The following LRFN2 variants were observed in gnomAD, a reference collection of about 807,000 sequenced individuals.
The protein encoded by LRFN2 is leucine rich repeat and fibronectin type III domain containing 2.
A neutral mutation model predicts 37.3 loss-of-function variants in LRFN2; 18 were observed. That is an observed-to-expected ratio of 0.48 (90% confidence interval 0.33 to 0.72). The LOEUF is 0.72. LRFN2 is among the 30% of genes least tolerant of loss of function. The pLI is 0.02. For missense variants in LRFN2, 1,006 were observed against 1,060.7 expected (o/e 0.95, Z 0.72); for synonymous variants, 556 against 466.6 (o/e 1.19, Z -2.47).
At chr6:40,534,077 C>T (rs1766403856) in intron 1 of LRFN2, among the ~76,000 whole-genome samples, 1 of 152,212 alleles carries the variant, frequency 6.6e-6, no homozygotes, top group Non-Finnish European at 1.5e-5. Flanking sequence ...AAGTAGCTTG[C>T]CCACAGGGAC....
intron 1 of LRFN2, among the ~76,000 whole-genome samples, chr6:40,503,389 G>C (rs114998358): frequency 6.6e-6 from 1 of 152,160 alleles, no homozygotes; most frequent in South Asian, 2.1e-4. Context: ...GGGGAGCAGA[G>C]GGAAGTGCCC....
At chr6:40,435,044 TATATATATAGAG>T (rs1173907760) in intron 1 of LRFN2, among the ~76,000 whole-genome samples, 134 of 88,580 alleles carry the variant, frequency 1.5e-3, no homozygotes, top group African/African-American at 3.1e-3. Flanking sequence ...TATATATATA[TATATATATAGAG>T]AGAGAGAGAG....
intron 1 of LRFN2, among the ~76,000 whole-genome samples, chr6:40,568,644 ATT>A (rs1182296727): frequency 6.6e-6 from 1 of 152,012 alleles, no homozygotes; most frequent in African/African-American, 2.4e-5. Flanking sequence ...CAAACCTGTG[ATT>A]ATTCCCAGTG....
chr6:40,403,467 C>T (rs1180798199), intron 2 of LRFN2, among the ~76,000 whole-genome samples: 1 of 152,182 alleles, frequency 6.6e-6, no homozygotes, highest in Non-Finnish European at 1.5e-5. Context: ...TTCTTCTGCC[C>T]TTGTGGCTCC....
Position 40,432,993 on chromosome 6 carries a change from T to A in LRFN2, c.121A>T (p.Lys41Ter). 1 of 1,611,200 alleles carries A rather than the reference T, an allele frequency of 6.2e-7. No individual in the cohort carries two copies. The highest frequency in any genetic ancestry group is 1.7e-5 in the Admixed American group (1 of 59,818). The part of the protein sequence containing the change: ...SESLGTLCPS[K>*]GLLFVPPDID... ...TCAGGGGGTACAAAGAGCAGCCCCT[T>A]GGAGGGGCACAGGGTCCCCAGTGAC... The change falls in exon 2 of 3, where the codon AAG (lysine) becomes TAG (stop). Residue 41 changes from lysine to a stop codon, truncating the protein, a stop_gained. Transcript: ENST00000338305. LOFTEE classifies it high-confidence loss of function.
chr6:40,581,008 G>C (rs1767387707), intron 1 of LRFN2, among the ~76,000 whole-genome samples: 1 of 152,146 alleles, frequency 6.6e-6, no homozygotes, highest in African/African-American at 2.4e-5. Flanking sequence ...GTGGGGGTGT[G>C]TGTGTATGAA....
At chr6:40,511,077 C>T (rs1036754615) in intron 1 of LRFN2, among the ~76,000 whole-genome samples, 2 of 151,822 alleles carry the variant, frequency 1.3e-5, no homozygotes, top group African/African-American at 4.8e-5. Flanking sequence ...GAGCCTGGGG[C>T]AGGAGGGAAC....
chr6:40,475,505 CACAG>C (rs1421463040), intron 1 of LRFN2, among the ~76,000 whole-genome samples: 1 of 152,080 alleles, frequency 6.6e-6, no homozygotes, highest in Non-Finnish European at 1.5e-5. Context: ...TCAAGGGGTG[CACAG>C]ACAGCTTCTA....
At chr6:40,396,684 CTCTGTGTGTG>C (rs1246418826) in intron 2 of LRFN2, among the ~76,000 whole-genome samples, 1 of 121,280 alleles carries the variant, frequency 8.2e-6, no homozygotes, top group African/African-American at 3.6e-5. Flanking sequence ...GATTCCTCTG[CTCTGTGTGTG>C]TGTGTGTGTG....
At chr6:40,463,670 ATTTTTT>A (rs66745321) in intron 1 of LRFN2, among the ~76,000 whole-genome samples, 8 of 76,532 alleles carry the variant, frequency 1.0e-4, no homozygotes, top group Middle Eastern at 0.01. Flanking sequence ...CTTTCTTTCT[ATTTTTT>A]TTTTTTTTTT....
rs531262366 is a variant in LRFN2 at position 40,463,731 on chromosome 6, C to T, written c.-18-30600G>A. Reference sequence around the variant, plus strand: ...TCACTCTGTCACCCAGGCTGGAGTGCAGTGGCACGATCACGGCTCACTGCA... The same window carrying T: ...TCACTCTGTCACCCAGGCTGGAGTGTAGTGGCACGATCACGGCTCACTGCA... On this transcript the variant is annotated intron_variant, in intron 1 of 2. Transcript: ENST00000338305. Among the ~76,000 whole-genome samples, 10 of 132,600 alleles carry T rather than the reference C, an allele frequency of 7.5e-5. No individual in the cohort carries two copies. In the East Asian group the frequency reaches 2.4e-3, roughly 31 times the overall value. 87.0% of individuals were successfully genotyped at this position (132,600 alleles called of 152,430 possible).
intron 1 of LRFN2, among the ~76,000 whole-genome samples, chr6:40,537,198 G>A (rs1206109846): frequency 1.3e-5 from 2 of 152,156 alleles, no homozygotes; most frequent in African/African-American, 2.4e-5. Context: ...AGCATAGTCC[G>A]CAGCACCCAG....
chr6:40,473,617 G>A (rs1254759384), intron 1 of LRFN2, among the ~76,000 whole-genome samples: 1 of 152,166 alleles, frequency 6.6e-6, no homozygotes, highest in East Asian at 1.9e-4. Context: ...TGCAGAACGT[G>A]CAGGTTTGTT....
intron 1 of LRFN2, among the ~76,000 whole-genome samples, chr6:40,450,938 G>C (rs1764087897): frequency 6.6e-6 from 1 of 152,228 alleles, no homozygotes; most frequent in South Asian, 2.1e-4. Flanking sequence ...AGACCTGAAG[G>C]AGGGACAATA....
At chr6:40,427,182 T>A (rs559732617) in intron 2 of LRFN2, among the ~76,000 whole-genome samples, 2 of 152,370 alleles carry the variant, frequency 1.3e-5, no homozygotes, top group East Asian at 3.8e-4. Flanking sequence ...TAGTTATCAA[T>A]CTTAATTAGA....
intron 2 of LRFN2, among the ~76,000 whole-genome samples, chr6:40,396,354 C>T (rs1762613914): frequency 6.6e-6 from 1 of 152,170 alleles, no homozygotes. Flanking sequence ...GGTCATGCTG[C>T]CTCTCGGACA....
At chr6:40,559,548 G>A (rs1013722553) in intron 1 of LRFN2, among the ~76,000 whole-genome samples, 5 of 152,140 alleles carry the variant, frequency 3.3e-5, no homozygotes, top group South Asian at 2.1e-4. Flanking sequence ...TAGGGGCAGC[G>A]GAGGGAGGGA....
At chr6:40,398,173 G>A (rs1762654132) in intron 2 of LRFN2, among the ~76,000 whole-genome samples, 1 of 151,712 alleles carries the variant, frequency 6.6e-6, no homozygotes, top group South Asian at 2.1e-4. Flanking sequence ...CTGCATCGTA[G>A]GAGGACAATC....
intron 1 of LRFN2, among the ~76,000 whole-genome samples, chr6:40,483,006 C>G (rs1019125371): frequency 3.3e-5 from 5 of 152,232 alleles, no homozygotes; most frequent in African/African-American, 4.8e-5. Flanking sequence ...TCTTGGAACT[C>G]TCACTTCCTC....
Sources: gnomAD v4.1 joint callset for allele counts (sites outside exome capture counted in the v4.1 genomes callset) on GRCh38, gnomAD v4.1.1 for gene constraint, MANE v1.5 for transcripts, NCBI Gene and HGNC (gene_info 2026-07-23, HGNC 2026-07-21) for gene names.